IFFO1: variants seen among roughly 807,000 people sequenced by gnomAD.
IFFO1 encodes intermediate filament family orphan 1.
In IFFO1, 42 loss-of-function variants were observed where a neutral mutation model predicts 59.6. The observed-to-expected ratio is 0.70, with a 90% CI of 0.55 to 0.91. The LOEUF (loss-of-function observed/expected upper bound fraction) is 0.91, where lower values mean the gene tolerates loss of function less well. Among genes scored for constraint, IFFO1 ranks in the 40% least tolerant of loss-of-function variants. The pLI is 0.00. For missense variants in IFFO1, 711 were observed against 793.2 expected, an observed-to-expected ratio of 0.90 and a Z score of 1.24; for synonymous variants, 336 against 342.8, an observed-to-expected ratio of 0.98 and a Z score of 0.22.
Position 6,540,507 on chromosome 12 carries a change from G to C in IFFO1, c.1692C>G (p.Val564=). ...TCTATCTCATGGAGCTGTCAGATGA[G>C]ACATCGCGATCGGAGTCCTCAGCCT... The part of the protein sequence containing the change: ...PSEAEDSDRD[V]SSDSSMR The change falls in exon 10 of 10, where the codon GTC becomes GTG. Residue 564 remains valine (V), a synonymous_variant. Transcript: ENST00000619571. The C allele has an allele frequency of 1.9e-6, 3 of 1,614,094 alleles. No individual in the cohort carries two copies. The highest frequency in any genetic ancestry group is 1.6e-4 in the Middle Eastern group (1 of 6,062).
chr12:6,555,361 G>C lies in IFFO1; in HGVS notation c.669C>G (p.His223Gln). The C allele has an allele frequency of 1.9e-6, 3 of 1,614,148 alleles. No individual in the cohort carries two copies. The highest frequency in any genetic ancestry group is 2.5e-6 in the Non-Finnish European group (3 of 1,180,012). ...LVQGPGLSWV[H>Q]PDGVGVQIDT... ...CGATCTGGACGCCCACCCCATCCGGGTGCACCCACGACAAGCCAGGCCCTT... is the reference window on the plus strand; with the variant it reads ...CGATCTGGACGCCCACCCCATCCGGCTGCACCCACGACAAGCCAGGCCCTT... The change falls in exon 1 of 10, where the codon CAC becomes CAG. Residue 223 changes from histidine to glutamine, a missense_variant. Transcript: ENST00000619571. This position sits in a 1 kb window ranked among gnomAD's most constrained non-coding sequence, Gnocchi z 8.6.
At chr12:6,547,931 A>G in intron 8 of IFFO1, 134 bp downstream of exon 8, 1 of 723,086 alleles carries the variant, frequency 1.4e-6, no homozygotes, top group Non-Finnish European at 2.5e-6. Context: ...CAGGAGGACT[A>G]TAGCTGAGAG....
rs370112336 is a variant in IFFO1, at chr12:6,550,739, G to C, written c.886C>G (p.Gln296Glu). The change falls in exon 3 of 10, where the codon CAG becomes GAG. Residue 296 changes from glutamine (Q) to glutamate (E), a missense_variant. Gln to Glu is a conservative substitution (Grantham distance 29). Around this residue, in one of 3 missense-constraint regions of IFFO1, gnomAD observed 579 missense variants for 650.3 expected, o/e 0.89. Transcript: ENST00000619571. The stretch of plus-strand genomic sequence containing the variant: ...AAGACCACCAGCTCAGCCTTCAACT[G>C]TTCCACCTTCAGTGCCAGCTCCTCC... ...CQEELALKVE[Q>E]LKAELVVFKG... The C allele has an allele frequency of 3.1e-6, 5 of 1,614,220 alleles. No individual in the cohort carries two copies. In the African/African-American group the frequency reaches 5.3e-5, roughly 17 times the overall value.
In IFFO1 at chr12:6,549,696, C is replaced by T; in HGVS notation, c.1071+60G>A. The T allele has an allele frequency of 6.3e-7, 1 of 1,574,892 alleles. No homozygotes were observed. The highest frequency in any genetic ancestry group is 8.7e-7 in the Non-Finnish European group (1 of 1,154,312). ...CAGGGCCTGCGTTCCAGGCCAGCCG[C>T]CACGGAAGCATCCACCTGCCCCACC... is the stretch of plus-strand genomic sequence containing the variant. On this transcript the variant is annotated intron_variant, in intron 4 of 9. Coordinates refer to ENST00000619571, the MANE Select transcript of IFFO1 (RefSeq NM_001193457.2). The surrounding 1 kb of genome is among the most constrained non-coding windows in gnomAD (Gnocchi z 5.0).
At position 6,555,830 on chromosome 12, in the gene IFFO1, C is replaced by G; in HGVS notation, c.200G>C (p.Arg67Pro). ...GTTGATGTTGGAGCCCAGGTCATTG[C>G]GGAGGGCCATGGCGGCAGGCGGGGC... ...GPAPPAAMAL[R>P]NDLGSNINVL... The change falls in exon 1 of 10, where the codon CGC becomes CCC. Residue 67 changes from arginine (R) to proline (P), a missense_variant. Transcript: ENST00000619571. The surrounding 1 kb of genome is among the most constrained non-coding windows in gnomAD (Gnocchi z 8.6). The G allele has an allele frequency of 6.2e-7, 1 of 1,611,480 alleles. No individual in the cohort carries two copies. Among genetic ancestry groups the G allele is most frequent in the Non-Finnish European group, 8.5e-7 (1 of 1,178,942 alleles).
chr12:6,540,410 C>T lies in IFFO1; in HGVS notation c.*73G>A. ...GCAGAGCTGCAGCTGATGTTCCCCT[C>T]TGTGCAGCCCCACCCTCTGCCTCGC... On this transcript the variant is annotated 3_prime_UTR_variant, in exon 10 of 10. Transcript: ENST00000619571. 3 of 1,215,586 alleles carry T rather than the reference C, an allele frequency of 2.5e-6. No individual in the cohort carries two copies. The highest frequency in any genetic ancestry group is 3.7e-6 in the Non-Finnish European group (3 of 818,530). The allele number at this position is 1,215,586 out of a possible 1,614,324, so 75.3% of individuals were successfully genotyped here. A position where few individuals can be genotyped will look rare whatever the true frequency, so the allele number is the denominator to read the frequency against.
In IFFO1 at chr12:6,555,903, G is replaced by C. The variant is rs769495619; in HGVS notation, c.127C>G (p.Leu43Val). Residue 43 changes from leucine (L) to valine (V), a missense_variant, in exon 1 of 10, where the codon CTC (leucine) becomes GTC (valine). Transcript: ENST00000619571. The surrounding 1 kb of genome is among the most constrained non-coding windows in gnomAD (Gnocchi z 8.6). ...AGGGDLPPAP[L>V]SPAGPAAYSP... is the part of the protein sequence containing the mutation. ...TAGGCAGCAGGGCCGGCCGGCGAGA[G>C]AGGCGCCGGGGGCAAGTCTCCTCCC... The C allele has an allele frequency of 2.6e-6, 4 of 1,557,422 alleles. No individual in the cohort carries two copies. Among genetic ancestry groups the C allele is most frequent in the Non-Finnish European group, 3.5e-6 (4 of 1,155,552 alleles).
At position 6,540,092 on chromosome 12, in the gene IFFO1, C is replaced by T. The variant is rs531235809; in HGVS notation, c.*391G>A. The T allele has an allele frequency of 2.1e-5, 6 of 289,424 alleles. 1 individual carries two copies. In the Admixed American group the frequency reaches 2.5e-4, roughly 12 times the overall value. 17.9% of individuals were successfully genotyped at this position (289,424 alleles called of 1,614,324 possible). On this transcript the variant is annotated 3_prime_UTR_variant, in exon 10 of 10. Transcript: ENST00000619571. ...CTCCAGTGCCTGGGCCAGTTAGCAC[C>T]AGTGTGGAAGACAGTGAGCTGGCTC... is the stretch of plus-strand genomic sequence containing the variant.
intron 9 of IFFO1, 143 bp from the exon 10 acceptor site, chr12:6,540,731 G>A (rs952133819): frequency 8.4e-6 from 6 of 715,910 alleles, no homozygotes; most frequent in African/African-American, 3.5e-5. Context: ...GCGAGGGAGC[G>A]GCAGGGACTG....
Position 6,549,733 on chromosome 12 carries a change from G to A in IFFO1, c.1071+23C>T. 1.2e-6 allele frequency: 2 copies of A among 1,600,744 alleles called. No individual in the cohort carries two copies. Among genetic ancestry groups the A allele is most frequent in the Non-Finnish European group, 1.7e-6 (2 of 1,169,896 alleles). On this transcript the variant is annotated intron_variant, in intron 4 of 9. Coordinates refer to ENST00000619571, the MANE Select transcript of IFFO1 (RefSeq NM_001193457.2). This position sits in a 1 kb window ranked among gnomAD's most constrained non-coding sequence, Gnocchi z 5.0. ...CCACCTGCCCCACCCACCCCTGAGA[G>A]CAGAGGGCAGCTCCGTCCTCACCTG... is the stretch of plus-strand genomic sequence containing the variant.
rs977097706 is a variant in IFFO1 at position 6,539,765 on chromosome 12, C to A, written c.*718G>T. 6.5e-6 allele frequency: 1 copy of A among 153,230 alleles called. No homozygotes were observed. Among genetic ancestry groups the A allele is most frequent in the African/African-American group, 2.4e-5 (1 of 41,458 alleles). The allele number at this position is 153,230 out of a possible 1,614,324, so 9.5% of individuals were successfully genotyped here. On this transcript the variant is annotated 3_prime_UTR_variant, in exon 10 of 10. Transcript: ENST00000619571. ...GCGCACATACACCCGCGCACACATG[C>A]ATGGAGCTTCACCTTCTCTGTCATT...
Position 6,542,501 on chromosome 12 carries a change from C to T in IFFO1, c.1480-859G>A, listed in dbSNP as rs910592432. On this transcript the variant is annotated intron_variant, in intron 8 of 9. Coordinates refer to ENST00000619571, the MANE Select transcript of IFFO1 (RefSeq NM_001193457.2). ...AATGAAACTTCCTGGAGATGACGTT[C>T]GTGACTGCCTGAGTGAAGAGAACGG... Among the ~76,000 whole-genome samples the T allele has an allele frequency of 1.6e-4, 25 of 152,296 alleles. No individual in the cohort carries two copies. The South Asian group carries it at 1.7e-3, about 10-fold the overall frequency.
At chr12:6,553,966 G>T (rs1363420736) in intron 1 of IFFO1, among the ~76,000 whole-genome samples, 1 of 151,960 alleles carries the variant, frequency 6.6e-6, no homozygotes, top group African/African-American at 2.4e-5. Context: ...CAAAATGCTT[G>T]TAGGTTTTGC....
At position 6,541,790 on chromosome 12, in the gene IFFO1, C is replaced by T. The variant is rs115261397; in HGVS notation, c.1480-148G>A. 2,711 of 915,398 alleles carry T rather than the reference C, an allele frequency of 3.0e-3. 50 individuals carry two copies. In the African/African-American group the frequency reaches 0.04, roughly 13 times the overall value. The allele number at this position is 915,398 out of a possible 1,614,324, so 56.7% of individuals were successfully genotyped here. On this transcript the variant is annotated intron_variant, in intron 8 of 9. Coordinates refer to ENST00000619571, the MANE Select transcript of IFFO1 (RefSeq NM_001193457.2). The surrounding 1 kb of genome is among the most constrained non-coding windows in gnomAD (Gnocchi z 4.8). ...CTGAAGGCTCAGATTTTAAAATAAACCAGACCAAGGCAGAAGGCAGCGAAT... is the reference window on the plus strand; with the variant it reads ...CTGAAGGCTCAGATTTTAAAATAAATCAGACCAAGGCAGAAGGCAGCGAAT...
intron 1 of IFFO1, 151 bp from the exon 2 acceptor site, chr12:6,551,152 C>G: frequency 1.3e-6 from 1 of 774,736 alleles, no homozygotes; most frequent in East Asian, 2.7e-5. Context: ...GCCTGGCCAG[C>G]CAGCTGGTGA....
At chr12:6,552,909 T>C (rs1947292499) in intron 1 of IFFO1, among the ~76,000 whole-genome samples, 1 of 152,208 alleles carries the variant, frequency 6.6e-6, no homozygotes, top group South Asian at 2.1e-4. Context: ...TTGAGAGCGA[T>C]ATCCATGTGT....
At chr12:6,545,142 G>A (rs1183228430) in intron 8 of IFFO1, among the ~76,000 whole-genome samples, 2 of 152,026 alleles carry the variant, frequency 1.3e-5, no homozygotes, top group Non-Finnish European at 2.9e-5. Flanking sequence ...GTGAACCTGG[G>A]AGGTGGAGCT....
In IFFO1 at chr12:6,540,145, C is replaced by CGTATCATTAAA; in HGVS notation, c.*337_*338insTTTAATGATAC. On this transcript the variant is annotated 3_prime_UTR_variant, in exon 10 of 10. Transcript: ENST00000619571. ...GACAACAGGGATGGAGGAAAGGTCC[C>CGTATCATTAAA]ACATTCACATTCCTGATACGTGGAC... is the stretch of plus-strand genomic sequence containing the variant. 4 of 404,658 alleles carry CGTATCATTAAA rather than the reference C, an allele frequency of 9.9e-6. No homozygotes were observed. The highest frequency in any genetic ancestry group is 2.5e-5 in the South Asian group (1 of 39,834). 25.1% of individuals were successfully genotyped at this position (404,658 alleles called of 1,614,324 possible). A position where few individuals can be genotyped will look rare whatever the true frequency, so the allele number is the denominator to read the frequency against.
At position 6,549,489 on chromosome 12, in the gene IFFO1, G is replaced by A. The variant is rs201407558; in HGVS notation, c.1072-5C>T. On this transcript the variant is annotated splice_region_variant and splice_polypyrimidine_tract_variant and intron_variant, in intron 4 of 9. Transcript: ENST00000619571. The surrounding 1 kb of genome is among the most constrained non-coding windows in gnomAD (Gnocchi z 5.0). ...GATCAAACTAACCAGCTTCTTCTGT[G>A]GAGGAAGCAAGAGAGAAGATGAGAG... 47 of 1,611,310 alleles carry A rather than the reference G, an allele frequency of 2.9e-5. No individual in the cohort carries two copies. In the African/African-American group the frequency reaches 6.0e-4, roughly 21 times the overall value.
Sources: allele counts gnomAD v4.1 joint callset (sites outside exome capture counted in the v4.1 genomes callset), GRCh38; gene constraint gnomAD v4.1.1; regional missense constraint gnomAD v4.1.1; non-coding constraint Gnocchi (gnomAD v3.1); transcripts MANE v1.5; gene names NCBI Gene and HGNC (gene_info 2026-07-23, HGNC 2026-07-21).